The following CFAP251 variants were observed in gnomAD, a reference collection of about 807,000 sequenced individuals.
CFAP251 encodes cilia and flagella associated protein 251.
CFAP251 carries 93 observed loss-of-function variants against 126.7 expected under a neutral mutation model. The observed-to-expected ratio is 0.73, with a 90% CI of 0.62 to 0.87. CFAP251 has a LOEUF of 0.87. Ranked by LOEUF, CFAP251 falls within the 40% of genes least tolerant of loss-of-function variation. The pLI is 0.00. For missense variants in CFAP251, 1,287 were observed against 1,389.2 expected, an observed-to-expected ratio of 0.93 and a Z score of 1.17; for synonymous variants, 503 against 506.9, an observed-to-expected ratio of 0.99 and a Z score of 0.10.
intron 19 of CFAP251, 119 bp downstream of exon 19, chr12:121,975,804 G>A: frequency 8.9e-7 from 1 of 1,120,816 alleles, no homozygotes; most frequent in Non-Finnish European, 1.2e-6. Flanking sequence ...AAATGGATCA[G>A]AAAGATGGTT....
intron 1 of CFAP251, among the ~76,000 whole-genome samples, chr12:121,920,212 A>C (rs1592956434): frequency 2.9e-5 from 4 of 139,184 alleles, no homozygotes; most frequent in East Asian, 2.2e-4. Flanking sequence ...AAGGTTTCCC[A>C]CAAATGTGAC....
intron 5 of CFAP251, among the ~76,000 whole-genome samples, chr12:121,937,099 A>G (rs1483905152): frequency 6.6e-6 from 1 of 152,228 alleles, no homozygotes; most frequent in African/African-American, 2.4e-5. Context: ...TGCTGTAACA[A>G]ATTACCTCAA....
chr12:121,930,941 G>GT (rs1880661417), intron 3 of CFAP251, among the ~76,000 whole-genome samples: 1 of 151,916 alleles, frequency 6.6e-6, no homozygotes, highest in Non-Finnish European at 1.5e-5. Flanking sequence ...TAGAGATGAG[G>GT]TTTCACCATT....
chr12:121,954,670 C>CAAAAAAAA (rs1881664748), intron 10 of CFAP251, among the ~76,000 whole-genome samples: 1 of 46,672 alleles, frequency 2.1e-5, no homozygotes, highest in Non-Finnish European at 8.2e-5. Context: ...AAAAAAAAAC[C>CAAAAAAAA]TCTTTTGGAT....
At chr12:121,958,000 C>T (rs778724599) in intron 11 of CFAP251, among the ~76,000 whole-genome samples, 11 of 152,224 alleles carry the variant, frequency 7.2e-5, no homozygotes, top group Non-Finnish European at 1.3e-4. Context: ...TTTGCATACA[C>T]AAATGAATAT....
At chr12:121,953,848 G>A (rs1881618094) in intron 9 of CFAP251, 1 of 395,322 alleles carries the variant, frequency 2.5e-6, no homozygotes, top group South Asian at 3.2e-5. Flanking sequence ...AGTTTAACAG[G>A]TATAAACAGT....
intron 7 of CFAP251, among the ~76,000 whole-genome samples, chr12:121,945,813 C>T (rs1353140806): frequency 2.0e-5 from 3 of 151,554 alleles, no homozygotes; most frequent in Admixed American, 2.0e-4. Flanking sequence ...CTACAGGCGC[C>T]CACCACCACG....
At chr12:121,993,748 A>T (rs1882941120) in intron 19 of CFAP251, among the ~76,000 whole-genome samples, 1 of 150,176 alleles carries the variant, frequency 6.7e-6, no homozygotes, top group Non-Finnish European at 1.5e-5. Context: ...CCCGTCTGAG[A>T]AGTGAGGAGC....
In CFAP251 at chr12:121,989,432, C is replaced by T. The variant is rs10431199; in HGVS notation, c.3007-10284C>T. On this transcript the variant is annotated intron_variant, in intron 19 of 21. Transcript: ENST00000288912. This position sits in a 1 kb window ranked among gnomAD's most constrained non-coding sequence, Gnocchi z 4.2. ...CCCCACTCCTGGAAAAAGAGGCAGT[C>T]GCCATCCAGATCTAGTTCCTGGAGG... 2.0e-5 allele frequency among the ~76,000 whole-genome samples: 3 copies of T among 152,134 alleles called. No individual in the cohort carries two copies. Among genetic ancestry groups the T allele is most frequent in the Non-Finnish European group, 2.9e-5 (2 of 68,026 alleles).
chr12:121,975,611 G>A lies in CFAP251; in HGVS notation c.2932G>A (p.Val978Met), dbSNP rs775198744. ...QGIDTMETRK[V>M]SEHICLSELP... is the part of the protein sequence containing the mutation. Reference sequence around the variant, plus strand: ...CATCGACACAATGGAGACCAGAAAGGTGTCAGAACACATTTGCCTGTCAGA... The same window carrying A: ...CATCGACACAATGGAGACCAGAAAGATGTCAGAACACATTTGCCTGTCAGA... Residue 978 changes from valine to methionine, a missense_variant, in exon 19 of 22, where the codon GTG (valine) becomes ATG (methionine). By Grantham distance (21) the Val-to-Met change is conservative (BLOSUM62 1). Transcript: ENST00000288912. 10 of 1,603,650 alleles carry A rather than the reference G, an allele frequency of 6.2e-6. No individual in the cohort carries two copies. Among genetic ancestry groups the A allele is most frequent in the Non-Finnish European group, 8.5e-6 (10 of 1,177,370 alleles).
At chr12:121,925,603 A>G (rs1275084021) in intron 3 of CFAP251, among the ~76,000 whole-genome samples, 4 of 152,200 alleles carry the variant, frequency 2.6e-5, no homozygotes, top group African/African-American at 7.2e-5. Context: ...TCACTCCGAG[A>G]GAAAGAATAA....
chr12:121,967,627 G>A (rs1380725041), intron 16 of CFAP251, among the ~76,000 whole-genome samples: 5 of 152,194 alleles, frequency 3.3e-5, no homozygotes, highest in African/African-American at 7.2e-5. Context: ...GCATGAACCC[G>A]GGAGGCGGAG....
At chr12:121,972,895 T>G (rs1882371864) in intron 17 of CFAP251, among the ~76,000 whole-genome samples, 1 of 152,212 alleles carries the variant, frequency 6.6e-6, no homozygotes, top group African/African-American at 2.4e-5. Context: ...TTGGAAAATT[T>G]GCAGCCTGAC....
intron 1 of CFAP251, among the ~76,000 whole-genome samples, chr12:121,919,957 G>A (rs186237260): frequency 2.6e-5 from 4 of 152,166 alleles, no homozygotes; most frequent in African/African-American, 9.6e-5. Context: ...CAAGGCGGGC[G>A]GATCACTTGA....
intron 2 of CFAP251, 145 bp downstream of exon 2, chr12:121,921,828 C>T (rs1025947214): frequency 6.6e-6 from 6 of 906,872 alleles, no homozygotes; most frequent in Admixed American, 6.9e-5. Context: ...CTCACTGTTG[C>T]CCAGGCTGGA....
intron 19 of CFAP251, among the ~76,000 whole-genome samples, chr12:121,995,191 T>G (rs1882995999): frequency 6.6e-6 from 1 of 152,082 alleles, no homozygotes; most frequent in Non-Finnish European, 1.5e-5. Context: ...AGAGCCAGAG[T>G]TTGAACCTAG....
chr12:121,975,150 C>A (rs927601875), intron 17 of CFAP251, 94 bp from the exon 18 acceptor site: 1 of 949,770 alleles, frequency 1.1e-6, no homozygotes, highest in African/African-American at 1.6e-5. Flanking sequence ...TGCTGTGATA[C>A]CCTTCAGAGG....
chr12:121,996,371 G>T (rs1251731323), intron 19 of CFAP251, among the ~76,000 whole-genome samples: 1 of 152,152 alleles, frequency 6.6e-6, no homozygotes, highest in Non-Finnish European at 1.5e-5. Flanking sequence ...CTAATTCCTA[G>T]CCCTTTCACT....
At position 122,003,846 on chromosome 12, in the gene CFAP251, T is replaced by G; in HGVS notation, c.*82T>G. ...GTGTGTTTTCCATGAGGCACTGCTTTTTATGCATTTCCCTCCCCCCTCTCA... is the reference window on the plus strand; with the variant it reads ...GTGTGTTTTCCATGAGGCACTGCTTGTTATGCATTTCCCTCCCCCCTCTCA... On this transcript the variant is annotated 3_prime_UTR_variant, in exon 22 of 22. Coordinates refer to ENST00000288912, the MANE Select transcript of CFAP251 (RefSeq NM_144668.6). 1.0e-6 allele frequency: 1 copy of G among 1,000,802 alleles called. No individual in the cohort carries two copies. Among genetic ancestry groups the G allele is most frequent in the Non-Finnish European group, 1.4e-6 (1 of 696,666 alleles). 62.0% of individuals were successfully genotyped at this position (1,000,802 alleles called of 1,614,324 possible).
Sources: allele counts gnomAD v4.1 joint callset (sites outside exome capture counted in the v4.1 genomes callset), GRCh38; gene constraint gnomAD v4.1.1; non-coding constraint Gnocchi (gnomAD v3.1); transcripts MANE v1.5; gene names NCBI Gene and HGNC (gene_info 2026-07-23, HGNC 2026-07-21).